DOCK2: variants seen among roughly 807,000 people sequenced by gnomAD.
The protein encoded by DOCK2 is dedicator of cytokinesis 2, also known as dedicator of cytokinesis protein 2.
In DOCK2, 87 loss-of-function variants were observed where a neutral mutation model predicts 248.9. The ratio of observed to expected loss-of-function variants is 0.35; its 90% CI spans 0.29 to 0.42. The LOEUF (loss-of-function observed/expected upper bound fraction) is 0.42, where lower values mean the gene tolerates loss of function less well. DOCK2 is among the 10% of genes least tolerant of loss of function. DOCK2 has a pLI of 1.00. For synonymous variants in DOCK2, 805 were observed against 821.6 expected (o/e 0.98, Z 0.35); for missense variants, 1,747 against 2,300.2 (o/e 0.76, Z 4.92).
chr5:169,805,115 A>T (rs1487804613), intron 26 of DOCK2, among the ~76,000 whole-genome samples: 1 of 151,350 alleles, frequency 6.6e-6, no homozygotes, highest in African/African-American at 2.4e-5. Flanking sequence ...GAGGTTGATC[A>T]TGCCTGTGAT....
intron 26 of DOCK2, among the ~76,000 whole-genome samples, chr5:169,812,935 C>G (rs1018411416): frequency 2.6e-5 from 4 of 152,270 alleles, no homozygotes; most frequent in African/African-American, 9.6e-5. Context: ...GGAGCCCTCG[C>G]AGTCTCCACA....
At chr5:169,804,288 A>G (rs1019060966) in intron 26 of DOCK2, among the ~76,000 whole-genome samples, 4 of 152,174 alleles carry the variant, frequency 2.6e-5, no homozygotes, top group Non-Finnish European at 4.4e-5. Flanking sequence ...TCTTATTACT[A>G]CATATGCATA....
chr5:170,064,797 A>G (rs76138207), intron 44 of DOCK2, among the ~76,000 whole-genome samples: 2,211 of 152,250 alleles, frequency 0.015, 50 homozygotes, highest in African/African-American at 0.05. Flanking sequence ...AAAGAGAACC[A>G]AAAGTATTTC....
chr5:169,649,894 C>T (rs1372622015), intron 1 of DOCK2, among the ~76,000 whole-genome samples: 1 of 151,736 alleles, frequency 6.6e-6, no homozygotes, highest in Non-Finnish European at 1.5e-5. Context: ...ACCTCTGCCT[C>T]CCAGGTTCAA....
At chr5:169,991,625 G>A (rs1434279845) in intron 29 of DOCK2, among the ~76,000 whole-genome samples, 2 of 152,224 alleles carry the variant, frequency 1.3e-5, no homozygotes, top group Non-Finnish European at 2.9e-5. Context: ...GTCACGTGTT[G>A]GCTCTGGACC....
intron 27 of DOCK2, among the ~76,000 whole-genome samples, chr5:169,969,654 C>G (rs1273752468): frequency 1.3e-5 from 2 of 152,182 alleles, no homozygotes; most frequent in Non-Finnish European, 2.9e-5. Context: ...AAAGGTCACA[C>G]GTGCAGTGCC....
chr5:170,025,452 G>T (rs12657117), intron 33 of DOCK2, among the ~76,000 whole-genome samples: 51,932 of 152,034 alleles, frequency 0.34, 9,120 homozygotes, highest in East Asian at 0.57. Flanking sequence ...GCCAGTCCCT[G>T]ATCTAAATCC....
intron 1 of DOCK2, 29 bp downstream of exon 1, chr5:169,637,398 G>A: frequency 7.4e-7 from 1 of 1,357,716 alleles, no homozygotes; most frequent in South Asian, 1.7e-5. Context: ...GCGCGGCAGG[G>A]AGCGGGACAG....
Position 169,708,177 on chromosome 5 carries a change from T to A in DOCK2, c.1392T>A (p.Ile464=). The A allele has an allele frequency of 6.2e-7, 1 of 1,613,880 alleles. No homozygotes were observed. Among genetic ancestry groups the A allele is most frequent in the Non-Finnish European group, 8.5e-7 (1 of 1,179,930 alleles). The change falls in exon 15 of 52, where the codon ATT becomes ATA. Residue 464 remains isoleucine, a synonymous_variant. Coordinates refer to ENST00000520908, the MANE Select transcript of DOCK2 (RefSeq NM_004946.3). The stretch of plus-strand genomic sequence containing the variant: ...TGTTTTTCTTGGGTCAGAATGCAAT[T>A]TGCGTGGGAGCAGGGGACAAGCCCA... ...AEDGKTLPNA[I]CVGAGDKPMN...
At chr5:170,051,936 G>A (rs1317209406) in intron 41 of DOCK2, among the ~76,000 whole-genome samples, 1 of 152,206 alleles carries the variant, frequency 6.6e-6, no homozygotes, top group Non-Finnish European at 1.5e-5. Context: ...GTGGGTGTCA[G>A]TGTGGCCAAG....
At chr5:169,980,313 C>A (rs1175965937) in intron 27 of DOCK2, 5 of 152,202 alleles carry the variant, frequency 3.3e-5, no homozygotes, top group South Asian at 2.1e-4. Flanking sequence ...GGATGGTCCC[C>A]CTTCCTTGCA....
chr5:169,897,531 A>C (rs904756078), intron 27 of DOCK2, among the ~76,000 whole-genome samples: 16 of 152,190 alleles, frequency 1.1e-4, no homozygotes, highest in Admixed American at 9.2e-4. Flanking sequence ...AAACGGAAAG[A>C]CATGATGGTC....
chr5:169,865,566 C>T (rs1017197454), intron 27 of DOCK2, among the ~76,000 whole-genome samples: 9 of 152,190 alleles, frequency 5.9e-5, no homozygotes, highest in Non-Finnish European at 1.5e-5. Flanking sequence ...GGAGGATTTA[C>T]TTACAGAGGA....
chr5:169,869,738 G>A (rs991698821), intron 27 of DOCK2, among the ~76,000 whole-genome samples: 7 of 152,242 alleles, frequency 4.6e-5, no homozygotes, highest in Admixed American at 3.9e-4. Flanking sequence ...GCAGAGCGTT[G>A]TTTGCAGACA....
chr5:169,831,545 A>G (rs1769229308), intron 26 of DOCK2, among the ~76,000 whole-genome samples: 1 of 152,240 alleles, frequency 6.6e-6, no homozygotes, highest in Non-Finnish European at 1.5e-5. Context: ...AGGCAGAGGC[A>G]GTCACAAGCC....
chr5:169,871,298 A>C (rs926005817), intron 27 of DOCK2, among the ~76,000 whole-genome samples: 6 of 152,238 alleles, frequency 3.9e-5, no homozygotes, highest in Admixed American at 6.5e-5. Flanking sequence ...AACTCTTTCC[A>C]GCATTTTATT....
intron 7 of DOCK2, among the ~76,000 whole-genome samples, chr5:169,683,627 G>A (rs553721003): frequency 1.7e-4 from 26 of 152,218 alleles, no homozygotes; most frequent in African/African-American, 6.0e-4. Context: ...CATTCTAGTG[G>A]TTGTGTAGTT....
At chr5:169,902,036 G>C (rs1028118653) in intron 27 of DOCK2, among the ~76,000 whole-genome samples, 3 of 152,086 alleles carry the variant, frequency 2.0e-5, no homozygotes, top group African/African-American at 7.2e-5. Context: ...TCAGTCAAAC[G>C]GTTTGTTTCT....
At chr5:169,691,400 C>A (rs1021900375) in intron 9 of DOCK2, among the ~76,000 whole-genome samples, 15 of 152,300 alleles carry the variant, frequency 9.8e-5, no homozygotes, top group African/African-American at 3.6e-4. Context: ...GGTGCTCTCA[C>A]TTCTTATATC....
Sources: gnomAD v4.1 joint callset for allele counts (sites outside exome capture counted in the v4.1 genomes callset) on GRCh38, gnomAD v4.1.1 for gene constraint, MANE v1.5 for transcripts, NCBI Gene and HGNC (gene_info 2026-07-23, HGNC 2026-07-21) for gene names.